The following CTNNA3 variants were observed in gnomAD, a reference collection of about 807,000 sequenced individuals.
CTNNA3 encodes the protein catenin alpha 3.
Under a neutral mutation model 95.7 loss-of-function variants are expected in CTNNA3, and 76 were observed. That is an observed-to-expected ratio of 0.79 (90% CI 0.66 to 0.96). The LOEUF is 0.96. Among genes scored for constraint, CTNNA3 ranks in the 40% least tolerant of loss-of-function variants. CTNNA3 has a pLI of 0.00. For synonymous variants in CTNNA3, 431 were observed against 374.4 expected (o/e 1.15, Z -1.74); for missense variants, 1,191 against 1,089.8 (o/e 1.09, Z -1.31).
chr10:65,981,897 G>A (rs1482750652), intron 16 of CTNNA3, among the ~76,000 whole-genome samples: 1 of 151,842 alleles, frequency 6.6e-6, no homozygotes, highest in Non-Finnish European at 1.5e-5. Context: ...AAAAATTCTA[G>A]AAGATAATAT....
At chr10:67,173,061 T>C (rs906450551) in intron 7 of CTNNA3, among the ~76,000 whole-genome samples, 1 of 152,156 alleles carries the variant, frequency 6.6e-6, no homozygotes, top group Admixed American at 6.6e-5. Flanking sequence ...CAATAGTAAA[T>C]TAAATTCTCT....
chr10:67,136,393 T>C (rs1223947306), intron 7 of CTNNA3, among the ~76,000 whole-genome samples: 2 of 152,150 alleles, frequency 1.3e-5, no homozygotes, highest in Non-Finnish European at 2.9e-5. Context: ...TTACACTATA[T>C]TTTTAATTAA....
chr10:67,115,737 G>A (rs1196250891), intron 7 of CTNNA3, among the ~76,000 whole-genome samples: 1 of 151,768 alleles, frequency 6.6e-6, no homozygotes, highest in Non-Finnish European at 1.5e-5. Flanking sequence ...ATAGGAAATG[G>A]TTAAGAGGGT....
At chr10:66,921,288 T>A (rs948724385) in intron 7 of CTNNA3, among the ~76,000 whole-genome samples, 2 of 152,098 alleles carry the variant, frequency 1.3e-5, no homozygotes, top group Non-Finnish European at 2.9e-5. Flanking sequence ...AAATGCTCTA[T>A]CTCCAAATAC....
chr10:66,864,046 A>T (rs1326842280), intron 7 of CTNNA3, among the ~76,000 whole-genome samples: 1 of 152,120 alleles, frequency 6.6e-6, no homozygotes, highest in Admixed American at 6.6e-5. Context: ...AGTCATATTA[A>T]GGTTATTCAA....
At chr10:66,043,765 C>G (rs944796532) in intron 15 of CTNNA3, among the ~76,000 whole-genome samples, 10 of 152,068 alleles carry the variant, frequency 6.6e-5, no homozygotes, top group African/African-American at 2.4e-4. Context: ...AGATACTATC[C>G]CTGTTCTTCA....
At chr10:66,008,081 G>C (rs1288645255) in intron 15 of CTNNA3, among the ~76,000 whole-genome samples, 1 of 152,136 alleles carries the variant, frequency 6.6e-6, no homozygotes, top group Non-Finnish European at 1.5e-5. Context: ...GAACCGGGCT[G>C]AGAAGGCTGC....
intron 5 of CTNNA3, among the ~76,000 whole-genome samples, chr10:67,362,733 A>G (rs76616078): frequency 0.029 from 4,430 of 152,056 alleles, 75 homozygotes; most frequent in Non-Finnish European, 0.038. Flanking sequence ...CATTTTCAAC[A>G]CAGTACTGGA....
At chr10:67,421,608 A>G (rs1219150992) in intron 5 of CTNNA3, among the ~76,000 whole-genome samples, 2 of 151,856 alleles carry the variant, frequency 1.3e-5, no homozygotes, top group African/African-American at 4.8e-5. Flanking sequence ...AATTTACACA[A>G]CCCTTCTTTG....
chr10:66,057,063 C>T (rs1331872877), intron 15 of CTNNA3, among the ~76,000 whole-genome samples: 1 of 152,136 alleles, frequency 6.6e-6, no homozygotes, highest in African/African-American at 2.4e-5. Context: ...TTTAGTCTAC[C>T]TGAAACTTCT....
intron 5 of CTNNA3, among the ~76,000 whole-genome samples, chr10:67,450,461 T>G (rs756163443): frequency 2.0e-5 from 3 of 152,162 alleles, no homozygotes; most frequent in Non-Finnish European, 4.4e-5. Context: ...CAAAAAAGAA[T>G]GAGATCATGT....
intron 13 of CTNNA3, among the ~76,000 whole-genome samples, chr10:66,277,929 C>T (rs1291700081): frequency 6.6e-6 from 1 of 151,734 alleles, no homozygotes; most frequent in Non-Finnish European, 1.5e-5. Context: ...AACACTAATG[C>T]TCTTAACTGA....
intron 1 of CTNNA3, among the ~76,000 whole-genome samples, chr10:67,752,930 T>G (rs1444334273): frequency 6.6e-6 from 1 of 152,126 alleles, no homozygotes; most frequent in Non-Finnish European, 1.5e-5. Context: ...CTATTCCCAT[T>G]AAACTACCAT....
chr10:67,327,217 A>G (rs1393219516), intron 5 of CTNNA3, among the ~76,000 whole-genome samples: 1 of 151,990 alleles, frequency 6.6e-6, no homozygotes, highest in Non-Finnish European at 1.5e-5. Flanking sequence ...TCTGAATTCT[A>G]TTTCTGTCAT....
In CTNNA3 at chr10:67,657,882, A is replaced by G. The variant is rs1416032543; in HGVS notation, c.-5-10364T>C. Among the ~76,000 whole-genome samples the G allele has an allele frequency of 2.0e-5, 3 of 151,430 alleles. No individual in the cohort carries two copies. The East Asian group carries it at 5.8e-4, about 29-fold the overall frequency. ...AAAAAAAAAAAAAGACAAGACAAGA[A>G]AAAAAAGAAAACTGTGCCACTCTCT... On this transcript the variant is annotated intron_variant, in intron 1 of 17. Transcript: ENST00000433211.
In CTNNA3 at chr10:66,197,763, T is replaced by C. The variant is rs78984004; in HGVS notation, c.1884+82707A>G. Reference sequence around the variant, plus strand: ...GGGATTATGGAAATAAAAGCAAGACTAGTAAAGGCCAGCTGTTTTATGGTG... The same window carrying C: ...GGGATTATGGAAATAAAAGCAAGACCAGTAAAGGCCAGCTGTTTTATGGTG... On this transcript the variant is annotated intron_variant, in intron 13 of 17. Transcript: ENST00000433211. Among the ~76,000 whole-genome samples, 345 of 152,250 alleles carry C rather than the reference T, an allele frequency of 2.3e-3. 6 individuals carry two copies. In the East Asian group the frequency reaches 0.029, roughly 13 times the overall value.
chr10:67,531,975 G>C (rs1367442998), intron 4 of CTNNA3, among the ~76,000 whole-genome samples: 1 of 152,060 alleles, frequency 6.6e-6, no homozygotes, highest in Non-Finnish European at 1.5e-5. Context: ...CATGTAAGAT[G>C]TGACTTGCTC....
At chr10:67,675,198 T>C (rs1047154972) in intron 1 of CTNNA3, among the ~76,000 whole-genome samples, 9 of 152,130 alleles carry the variant, frequency 5.9e-5, no homozygotes, top group Non-Finnish European at 1.3e-4. Flanking sequence ...ATTAATTTTT[T>C]GGAGTTTTTA....
intron 2 of CTNNA3, among the ~76,000 whole-genome samples, chr10:67,623,587 G>A (rs1470357444): frequency 2.0e-5 from 3 of 152,104 alleles, no homozygotes; most frequent in Non-Finnish European, 4.4e-5. Context: ...TAAGGAGCGG[G>A]GAGAGAGTAG....
Sources: allele counts gnomAD v4.1 joint callset (sites outside exome capture counted in the v4.1 genomes callset), GRCh38; gene constraint gnomAD v4.1.1; transcripts MANE v1.5; gene names NCBI Gene and HGNC (gene_info 2026-07-23, HGNC 2026-07-21).